MBP: variants seen among roughly 807,000 people sequenced by gnomAD.
MBP encodes Golli-MBP.
In MBP, 16 loss-of-function variants were observed where a neutral mutation model predicts 35.8. That is an observed-to-expected ratio of 0.45 (90% confidence interval 0.30 to 0.68). The LOEUF is 0.68. Ranked by LOEUF, MBP falls within the 30% of genes least tolerant of loss-of-function variation. The pLI, the probability that MBP is intolerant of heterozygous loss-of-function variation, is 0.08. For synonymous variants in MBP, 143 were observed against 159.6 expected (o/e 0.90, Z 0.78); for missense variants, 380 against 404.7 (o/e 0.94, Z 0.52).
At position 77,010,944 on chromosome 18, in the gene MBP, G is replaced by A. The variant is rs115439333; in HGVS notation, c.576+5888C>T. ...ATAGTGGTCAAGAGATGAAATCAGC[G>A]TAATAGGTTTCAGGAGATGTATTGG... On this transcript the variant is annotated intron_variant, in intron 4 of 8. Coordinates refer to ENST00000355994, the MANE Select transcript of MBP (RefSeq NM_001025101.2). Among the ~76,000 whole-genome samples, 895 of 152,334 alleles carry A rather than the reference G, an allele frequency of 5.9e-3. 2 individuals carry two copies. The highest frequency in any genetic ancestry group is 0.018 in the African/African-American group (736 of 41,572).
intron 4 of MBP, among the ~76,000 whole-genome samples, chr18:77,012,383 C>G (rs1005425342): frequency 6.6e-6 from 1 of 152,214 alleles, no homozygotes; most frequent in Non-Finnish European, 1.5e-5. Context: ...TGCTCAGCGT[C>G]CACCCTCCCT....
At chr18:76,998,455 G>C (rs1194944939) in intron 4 of MBP, among the ~76,000 whole-genome samples, 2 of 152,166 alleles carry the variant, frequency 1.3e-5, no homozygotes, top group African/African-American at 4.8e-5. Flanking sequence ...TCTGGCTCTA[G>C]TTCTCAGTCA....
At chr18:76,986,210 T>C in intron 7 of MBP, 1 of 985,508 alleles carries the variant, frequency 1.0e-6, no homozygotes, top group Non-Finnish European at 1.2e-6. Context: ...GGGTCCAGAC[T>C]GCACTTTACA....
chr18:77,122,225 G>A (rs1247231376), intron 1 of MBP, among the ~76,000 whole-genome samples: 1 of 152,104 alleles, frequency 6.6e-6, no homozygotes, highest in African/African-American at 2.4e-5. Context: ...TTCCAGAACA[G>A]ACGTTTGCAA....
chr18:77,003,727 C>T (rs1041437522), intron 4 of MBP: 1 of 152,182 alleles, frequency 6.6e-6, no homozygotes, highest in African/African-American at 2.4e-5. Context: ...TGCACCTTTT[C>T]TGCCATTTTC....
At chr18:76,985,150 G>A (rs1189140664) in intron 7 of MBP, 9 of 1,529,166 alleles carry the variant, frequency 5.9e-6, no homozygotes, top group East Asian at 2.5e-5. Flanking sequence ...TGAGATATGC[G>A]GCCCAACCAC....
intron 3 of MBP, among the ~76,000 whole-genome samples, chr18:77,040,545 A>G (rs1432378478): frequency 1.3e-5 from 2 of 152,246 alleles, no homozygotes; most frequent in African/African-American, 4.8e-5. Flanking sequence ...ACAAGGCTAC[A>G]GTAACCAAAA....
At chr18:77,114,697 C>T (rs1354053994) in intron 1 of MBP, 3 of 152,320 alleles carry the variant, frequency 2.0e-5, no homozygotes, top group Non-Finnish European at 2.9e-5. Context: ...GTCACGCAGG[C>T]ACACGTGACA....
At chr18:77,126,838 A>C (rs1358973254) in intron 1 of MBP, among the ~76,000 whole-genome samples, 1 of 152,244 alleles carries the variant, frequency 6.6e-6, no homozygotes, top group African/African-American at 2.4e-5. Context: ...TTTCAGATTC[A>C]GAATCTGTGC....
chr18:76,990,308 G>A (rs894149577), intron 4 of MBP, among the ~76,000 whole-genome samples: 6 of 152,102 alleles, frequency 3.9e-5, no homozygotes, highest in Non-Finnish European at 8.8e-5. Context: ...GGTGAGGATG[G>A]GGTTGGGAGG....
chr18:77,107,612 CA>C (rs998971218), intron 1 of MBP, among the ~76,000 whole-genome samples: 5 of 152,206 alleles, frequency 3.3e-5, no homozygotes, highest in African/African-American at 1.2e-4. Context: ...AATCTGTCCA[CA>C]AGGTGCTGAA....
intron 2 of MBP, among the ~76,000 whole-genome samples, chr18:77,091,161 C>A (rs1016257471): frequency 6.6e-6 from 1 of 152,124 alleles, no homozygotes; most frequent in Admixed American, 6.5e-5. Flanking sequence ...ATTATGAGAT[C>A]ATACAGTGAG....
At position 77,020,109 on chromosome 18, in the gene MBP, C is replaced by T. The variant is rs752222324; in HGVS notation, c.140-2841G>A. Among the ~76,000 whole-genome samples, 71 of 152,062 alleles carry T rather than the reference C, an allele frequency of 4.7e-4. No individual in the cohort carries two copies. Among genetic ancestry groups the T allele is most frequent in the Non-Finnish European group, 8.2e-4 (56 of 67,992 alleles). On this transcript the variant is annotated intron_variant, in intron 3 of 8. Coordinates refer to ENST00000355994, the MANE Select transcript of MBP (RefSeq NM_001025101.2). The surrounding 1 kb of genome is among the most constrained non-coding windows in gnomAD (Gnocchi z 4.1). ...CCTGGGGAGGGAAGATTCTAGTGGA[C>T]GGCCTCTGTGGAGGGATATGATGGA... is the stretch of plus-strand genomic sequence containing the variant.
intron 4 of MBP, chr18:76,990,962 G>A (rs1369916907): frequency 1.9e-5 from 5 of 259,220 alleles, no homozygotes; most frequent in African/African-American, 7.0e-5. Context: ...AATTCAAGGG[G>A]GATTCCATCT....
At chr18:77,014,654 G>C in intron 4 of MBP, 1 of 985,454 alleles carries the variant, frequency 1.0e-6, no homozygotes, top group Non-Finnish European at 1.2e-6. Flanking sequence ...TTGCGGGTCT[G>C]TAGCTGGGTG....
At chr18:76,995,941 G>C (rs1436859473) in intron 4 of MBP, among the ~76,000 whole-genome samples, 1 of 152,160 alleles carries the variant, frequency 6.6e-6, no homozygotes, top group African/African-American at 2.4e-5. Context: ...TTACGTATCT[G>C]ACAAAGGACT....
chr18:77,013,574 AC>A, intron 4 of MBP: 3 of 985,462 alleles, frequency 3.0e-6, no homozygotes, highest in Non-Finnish European at 3.6e-6. Flanking sequence ...TGAATGACAA[AC>A]AGTTCTTCTC....
At chr18:77,116,300 C>A (rs1213164757) in intron 1 of MBP, among the ~76,000 whole-genome samples, 1 of 152,240 alleles carries the variant, frequency 6.6e-6, no homozygotes, top group Non-Finnish European at 1.5e-5. Flanking sequence ...AGCTGATCTC[C>A]TAAAGGGCCC....
chr18:77,070,226 C>G (rs1451321084), intron 2 of MBP, among the ~76,000 whole-genome samples: 2 of 152,178 alleles, frequency 1.3e-5, no homozygotes, highest in African/African-American at 4.8e-5. Context: ...TCAGGCCCTC[C>G]CTGCGTCATT....
Sources: allele counts gnomAD v4.1 joint callset (sites outside exome capture counted in the v4.1 genomes callset), GRCh38; gene constraint gnomAD v4.1.1; non-coding constraint Gnocchi (gnomAD v3.1); transcripts MANE v1.5; gene names NCBI Gene and HGNC (gene_info 2026-07-23, HGNC 2026-07-21).